CRTC1: variants seen among roughly 807,000 people sequenced by gnomAD.
CRTC1 encodes the protein CREB-regulated transcription coactivator 1.
CRTC1 carries 18 observed loss-of-function variants against 66.1 expected under a neutral mutation model. The observed-to-expected ratio is 0.27, with a 90% confidence interval of 0.19 to 0.40. The LOEUF is 0.40. Among genes scored for constraint, CRTC1 ranks in the 10% least tolerant of loss-of-function variants. CRTC1 has a pLI of 1.00. For synonymous variants in CRTC1, 416 were observed against 398.8 expected (o/e 1.04, Z -0.51); for missense variants, 669 against 887.9 (o/e 0.75, Z 3.13).
chr19:18,777,417 C>G lies in CRTC1; in HGVS notation c.*35C>G, dbSNP rs199879729. The G allele has an allele frequency of 1.3e-6, 2 of 1,575,418 alleles. No homozygotes were observed. Among genetic ancestry groups the G allele is most frequent in the South Asian group, 2.2e-5 (2 of 90,588 alleles). On this transcript the variant is annotated 3_prime_UTR_variant, in exon 14 of 14. Transcript: ENST00000321949. The surrounding 1 kb of genome is among the most constrained non-coding windows in gnomAD (Gnocchi z 5.5). The stretch of plus-strand genomic sequence containing the variant: ...CCGGCACCCTGCCGCTCAGCCGTCC[C>G]GACGGCGCCTCCCCAGCCCGGGGAC...
At chr19:18,706,137 A>G (rs776989867) in intron 1 of CRTC1, among the ~76,000 whole-genome samples, 2 of 110,506 alleles carry the variant, frequency 1.8e-5, no homozygotes, top group Admixed American at 1.0e-4. Context: ...ACTTGACCAT[A>G]TATGTGACAG....
At chr19:18,695,620 C>G (rs959519551) in intron 1 of CRTC1, among the ~76,000 whole-genome samples, 3 of 152,080 alleles carry the variant, frequency 2.0e-5, no homozygotes, top group Non-Finnish European at 4.4e-5. Context: ...AATCCCAGCA[C>G]TCTGGGAGGC....
chr19:18,737,433 C>T (rs1473331324), intron 1 of CRTC1, among the ~76,000 whole-genome samples: 2 of 152,050 alleles, frequency 1.3e-5, no homozygotes, highest in African/African-American at 4.8e-5. Context: ...ACACTTGTCC[C>T]AGGAGGGGCC....
intron 10 of CRTC1, among the ~76,000 whole-genome samples, chr19:18,770,087 G>A (rs1170020784): frequency 6.6e-6 from 1 of 151,754 alleles, no homozygotes; most frequent in Non-Finnish European, 1.5e-5. Context: ...GGACATGGGG[G>A]AGACAGCAAT....
At chr19:18,691,529 A>G (rs1234915555) in intron 1 of CRTC1, among the ~76,000 whole-genome samples, 2 of 149,552 alleles carry the variant, frequency 1.3e-5, no homozygotes, top group Non-Finnish European at 1.5e-5. Context: ...CTCCAAAAAA[A>G]AAAAAAAAAA....
chr19:18,766,112 T>C (rs1466808764), intron 9 of CRTC1, among the ~76,000 whole-genome samples: 2 of 151,776 alleles, frequency 1.3e-5, no homozygotes, highest in Non-Finnish European at 2.9e-5. Context: ...TTCATAATAC[T>C]CTTTTGTAAT....
chr19:18,726,975 G>A (rs977242253), intron 1 of CRTC1, among the ~76,000 whole-genome samples: 46 of 151,614 alleles, frequency 3.0e-4, no homozygotes, highest in African/African-American at 9.2e-4. Context: ...GGCCAGGCAC[G>A]GTGGCCTAGG....
chr19:18,744,474 A>G (rs1169562876), intron 2 of CRTC1, among the ~76,000 whole-genome samples: 1 of 148,812 alleles, frequency 6.7e-6, no homozygotes, highest in Admixed American at 6.7e-5. Context: ...GTCCGTCCCT[A>G]TATACACACA....
chr19:18,758,163 C>T (rs573294325), intron 6 of CRTC1, among the ~76,000 whole-genome samples: 8 of 151,316 alleles, frequency 5.3e-5, no homozygotes, highest in Admixed American at 2.6e-4. Flanking sequence ...AGATGGAGAC[C>T]CTCCTGGCTA....
chr19:18,715,250 CAG>C (rs2053481040), intron 1 of CRTC1, among the ~76,000 whole-genome samples: 1 of 152,076 alleles, frequency 6.6e-6, no homozygotes, highest in African/African-American at 2.4e-5. Flanking sequence ...TCATTTGAGA[CAG>C]AGACTCGCTT....
intron 5 of CRTC1, among the ~76,000 whole-genome samples, chr19:18,751,827 G>A (rs562418117): frequency 6.6e-6 from 1 of 152,274 alleles, no homozygotes; most frequent in East Asian, 1.9e-4. Flanking sequence ...CAGCAGCCCA[G>A]AGCAGGAAGC....
rs2055041420 is a variant in CRTC1, at chr19:18,778,399, A to T, written c.*1017A>T. ...GTTTTTATTTCAGAAATCCAACTTT[A>T]CCTATTTTTTAAGCTAACTGGAAAT... On this transcript the variant is annotated 3_prime_UTR_variant, in exon 14 of 14. Transcript: ENST00000321949. 4.3e-6 allele frequency: 1 copy of T among 231,856 alleles called. No homozygotes were observed. The highest frequency in any genetic ancestry group is 1.8e-4 in the South Asian group (1 of 5,518). The allele number at this position is 231,856 out of a possible 1,614,324, so 14.4% of individuals were successfully genotyped here.
chr19:18,768,649 GC>G lies in CRTC1; in HGVS notation c.1181del (p.Pro394LeufsTer11). On this transcript the variant is annotated frameshift_variant, in exon 10 of 14. Coordinates refer to ENST00000321949, the MANE Select transcript of CRTC1 (RefSeq NM_015321.3). LOFTEE classifies it high-confidence loss of function. This position sits in a 1 kb window ranked among gnomAD's most constrained non-coding sequence, Gnocchi z 5.6. ...CACCCCCACAGGCGCCCGTCCGCCT[GC>G]CCCCTGGTGGCCCCCTGTTGCCCAG... The part of the protein sequence containing the change: ...PPPPQAPVRL[P>X]PGGPLLPSAS... The G allele has an allele frequency of 1.3e-6, 2 of 1,507,358 alleles. No individual in the cohort carries two copies. The highest frequency in any genetic ancestry group is 1.8e-6 in the Non-Finnish European group (2 of 1,124,162). 93.4% of individuals were successfully genotyped at this position (1,507,358 alleles called of 1,614,324 possible). A position where few individuals can be genotyped will look rare whatever the true frequency, so the allele number is the denominator to read the frequency against.
Position 18,779,699 on chromosome 19 carries a change from G to C in CRTC1, c.*2317G>C, listed in dbSNP as rs575020779. The stretch of plus-strand genomic sequence containing the variant: ...TGTGGACAGATAGGAGAGGAGGGAT[G>C]CCCACCTCGGAGCATCCCAGGCCCG... On this transcript the variant is annotated 3_prime_UTR_variant, in exon 14 of 14. Transcript: ENST00000321949. 3 of 224,396 alleles carry C rather than the reference G, an allele frequency of 1.3e-5. No individual in the cohort carries two copies. The East Asian group carries it at 1.9e-4, about 14-fold the overall frequency. The allele number at this position is 224,396 out of a possible 1,614,324, so 13.9% of individuals were successfully genotyped here.
chr19:18,780,149 G>A lies in CRTC1; in HGVS notation c.*2767G>A, dbSNP rs1210712159. 21 of 231,930 alleles carry A rather than the reference G, an allele frequency of 9.1e-5. No homozygotes were observed. In the East Asian group the frequency reaches 1.3e-3, roughly 14 times the overall value. The allele number at this position is 231,930 out of a possible 1,614,324, so 14.4% of individuals were successfully genotyped here. On this transcript the variant is annotated 3_prime_UTR_variant, in exon 14 of 14. Transcript: ENST00000321949. ...GGGCAGGCCCACGTGGGGAGGTTGC[G>A]CCGTGTACATAGACCCGCCGTCTGT...
chr19:18,714,038 A>AAGC (rs2145595141), intron 1 of CRTC1, among the ~76,000 whole-genome samples: 1 of 152,252 alleles, frequency 6.6e-6, no homozygotes, highest in African/African-American at 2.4e-5. Flanking sequence ...GCGTGCCCGG[A>AAGC]AGCAGCAGGG....
intron 1 of CRTC1, among the ~76,000 whole-genome samples, chr19:18,719,024 G>A (rs954847681): frequency 5.3e-5 from 8 of 152,190 alleles, no homozygotes; most frequent in South Asian, 2.1e-4. Context: ...AGGAGGTCAC[G>A]TGGGTGTCTG....
intron 1 of CRTC1, among the ~76,000 whole-genome samples, chr19:18,727,496 G>A (rs998555777): frequency 3.5e-5 from 5 of 144,474 alleles, no homozygotes; most frequent in Non-Finnish European, 6.0e-5. Context: ...CAGGAGAATC[G>A]CTTAAACCTG....
intron 1 of CRTC1, among the ~76,000 whole-genome samples, chr19:18,694,894 T>G (rs963812654): frequency 8.0e-6 from 1 of 125,416 alleles, no homozygotes; most frequent in Non-Finnish European, 1.8e-5. Flanking sequence ...CAGCGACCTC[T>G]TTTTTTTTTT....
Sources: gnomAD v4.1 joint callset for allele counts (sites outside exome capture counted in the v4.1 genomes callset) on GRCh38, gnomAD v4.1.1 for gene constraint, Gnocchi (gnomAD v3.1) non-coding constraint, MANE v1.5 for transcripts, NCBI Gene and HGNC (gene_info 2026-07-23, HGNC 2026-07-21) for gene names.